AFF2: variants seen among roughly 807,000 people sequenced by gnomAD.
AFF2 encodes the protein ALF transcription elongation factor 2.
Under a neutral mutation model 76.9 loss-of-function variants are expected in AFF2, and 14 were observed. The observed-to-expected ratio is 0.18, with a 90% CI of 0.12 to 0.28. AFF2 has a LOEUF of 0.28. Ranked by LOEUF, AFF2 falls within the 10% of genes least tolerant of loss-of-function variation. AFF2 has a pLI of 1.00. For synonymous variants in AFF2, 398 were observed against 366.7 expected, an observed-to-expected ratio of 1.09 and a Z score of -0.98; for missense variants, 868 against 1,001.1, an observed-to-expected ratio of 0.87 and a Z score of 1.79.
intron 1 of AFF2, among the ~76,000 whole-genome samples, chrX:148,638,467 A>AC (rs1361927134): frequency 9.0e-6 from 1 of 110,997 alleles, no homozygotes; most frequent in Non-Finnish European, 1.9e-5. Context: ...TGATCCAATC[A>AC]CCCCCCAACC....
intron 3 of AFF2, among the ~76,000 whole-genome samples, chrX:148,735,994 C>T (rs782342896): frequency 1.8e-5 from 2 of 112,194 alleles, no homozygotes; most frequent in South Asian, 7.4e-4. Flanking sequence ...ATCTATACCA[C>T]AGTTTCTTTA....
chrX:148,961,541 T>TTGTGTTG (rs2072108875), intron 12 of AFF2, among the ~76,000 whole-genome samples: 1 of 112,284 alleles, frequency 8.9e-6, no homozygotes, highest in Non-Finnish European at 1.9e-5. Context: ...TAGGGCCACA[T>TTGTGTTG]TTATGAAACA....
chrX:148,787,855 C>T (rs1557269654), intron 3 of AFF2, among the ~76,000 whole-genome samples: 2 of 111,987 alleles, frequency 1.8e-5, no homozygotes, highest in Admixed American at 1.9e-4. Context: ...TCTGTAATCA[C>T]TACAATGAAA....
Position 148,880,233 on chromosome X carries a change from C to T in AFF2, c.1263-5656C>T, listed in dbSNP as rs2071081724. Among the ~76,000 whole-genome samples the T allele has an allele frequency of 2.7e-5, 3 of 111,680 alleles. No individual in the cohort carries two copies. The South Asian group carries it at 1.1e-3, about 42-fold the overall frequency. ...TTAGGAAAATTAAATGTAGCTCCTC[C>T]TAAGGGGAAAAAACAGCCTGAGCAC... On this transcript the variant is annotated intron_variant, in intron 7 of 20. Coordinates refer to ENST00000370460, the MANE Select transcript of AFF2 (RefSeq NM_002025.4).
chrX:148,638,598 G>C (rs965611511), intron 1 of AFF2, among the ~76,000 whole-genome samples: 3 of 111,696 alleles, frequency 2.7e-5, no homozygotes. Flanking sequence ...TCACTGTTCT[G>C]CAGGCGGTTC....
chrX:148,934,272 C>T (rs925463411), intron 9 of AFF2, among the ~76,000 whole-genome samples: 2 of 112,208 alleles, frequency 1.8e-5, no homozygotes, highest in South Asian at 3.7e-4. Flanking sequence ...TGGCCATAAC[C>T]GATCTTATCC....
At chrX:148,846,080 C>G (rs1401281095) in intron 7 of AFF2, among the ~76,000 whole-genome samples, 2 of 112,192 alleles carry the variant, frequency 1.8e-5, no homozygotes, top group African/African-American at 6.5e-5. Context: ...CAGTCTCCCT[C>G]TTTCTTTTTG....
intron 15 of AFF2, among the ~76,000 whole-genome samples, chrX:148,968,974 TC>T (rs1256126422): frequency 2.7e-5 from 3 of 112,517 alleles, no homozygotes; most frequent in African/African-American, 9.7e-5. Flanking sequence ...ACTCAAGTGC[TC>T]CTAGGGTTTG....
At chrX:148,845,190 G>A (rs1396011797) in intron 7 of AFF2, among the ~76,000 whole-genome samples, 1 of 108,739 alleles carries the variant, frequency 9.2e-6, no homozygotes, top group Non-Finnish European at 1.9e-5. Flanking sequence ...TTCCAAACTT[G>A]AAAAAAATAT....
intron 1 of AFF2, among the ~76,000 whole-genome samples, chrX:148,638,495 C>G (rs1261130827): frequency 4.5e-5 from 5 of 111,649 alleles, no homozygotes; most frequent in Non-Finnish European, 7.5e-5. Context: ...TCCCTTGACA[C>G]TTGGGGATTA....
chrX:148,939,104 G>A (rs1404685241), intron 9 of AFF2, among the ~76,000 whole-genome samples: 1 of 111,803 alleles, frequency 8.9e-6, no homozygotes, highest in African/African-American at 3.2e-5. Flanking sequence ...AGCAGGAGGA[G>A]GAGGAAGACA....
At chrX:148,825,591 T>G (rs2070378753) in intron 4 of AFF2, among the ~76,000 whole-genome samples, 1 of 17,473 alleles carries the variant, frequency 5.7e-5, no homozygotes, top group Admixed American at 1.8e-3. Context: ...AATAGAGTAG[T>G]TTTTTTTTTT....
chrX:148,987,398 G>T lies in AFF2; in HGVS notation c.3655G>T (p.Val1219Phe). Reference sequence around the variant, plus strand: ...TCCATCCCCAGTGTCTCTCAACAACGTCTCCCCCATCAACGCAATGGGGAA... The same window carrying T: ...TCCATCCCCAGTGTCTCTCAACAACTTCTCCCCCATCAACGCAATGGGGAA... ...NTPSPVSLNN[V>F]SPINAMGNCN... The change falls in exon 20 of 21, where the codon GTC (valine) becomes TTC (phenylalanine). Residue 1219 changes from valine to phenylalanine, a missense_variant. Transcript: ENST00000370460. 8.3e-7 allele frequency: 1 copy of T among 1,209,979 alleles called. No homozygotes were observed. The highest frequency in any genetic ancestry group is 1.1e-6 in the Non-Finnish European group (1 of 894,723).
At chrX:148,776,034 A>T (rs1557268552) in intron 3 of AFF2, among the ~76,000 whole-genome samples, 5 of 108,945 alleles carry the variant, frequency 4.6e-5, no homozygotes, top group African/African-American at 1.7e-4. Context: ...AACAGGCCTG[A>T]GTGTGTGATG....
intron 3 of AFF2, among the ~76,000 whole-genome samples, chrX:148,688,658 A>T (rs2054622095): frequency 1.8e-5 from 2 of 111,325 alleles, no homozygotes; most frequent in South Asian, 7.7e-4. Flanking sequence ...AACAACAGGG[A>T]TGCGTTCTGA....
intron 4 of AFF2, among the ~76,000 whole-genome samples, chrX:148,823,119 A>T (rs1336503851): frequency 3.6e-5 from 4 of 111,589 alleles, no homozygotes; most frequent in African/African-American, 1.3e-4. Context: ...AGCAGGTCTG[A>T]CACCTGGAGA....
At chrX:148,886,404 C>T (rs1219496867) in intron 8 of AFF2, among the ~76,000 whole-genome samples, 1 of 111,751 alleles carries the variant, frequency 8.9e-6, no homozygotes, top group African/African-American at 3.3e-5. Flanking sequence ...TCACCTTTCC[C>T]AGATGCACCA....
At chrX:148,761,647 G>A (rs1476432968) in intron 3 of AFF2, among the ~76,000 whole-genome samples, 6 of 110,579 alleles carry the variant, frequency 5.4e-5, no homozygotes, top group Non-Finnish European at 1.1e-4. Context: ...TGTCAGGCAT[G>A]ATATCAGGTG....
At chrX:148,948,515 TA>T (rs1557286317) in intron 9 of AFF2, among the ~76,000 whole-genome samples, 1 of 111,298 alleles carries the variant, frequency 9.0e-6, no homozygotes, top group African/African-American at 3.3e-5. Flanking sequence ...CAGTTGTAGG[TA>T]AAGAAAGGAA....
Sources: allele counts gnomAD v4.1 joint callset (sites outside exome capture counted in the v4.1 genomes callset), GRCh38; gene constraint gnomAD v4.1.1; transcripts MANE v1.5; gene names NCBI Gene and HGNC (gene_info 2026-07-23, HGNC 2026-07-21).